Variants in ARHGAP24 observed in about 807,000 individuals in gnomAD.
The protein encoded by ARHGAP24 is Rho GTPase activating protein 24, also known as rho GTPase-activating protein 24.
In ARHGAP24, 50 loss-of-function variants were observed where a neutral mutation model predicts 76.4. The ratio of observed to expected loss-of-function variants is 0.65; its 90% CI spans 0.52 to 0.83. ARHGAP24 has a LOEUF of 0.83. Among genes scored for constraint, ARHGAP24 ranks in the 40% least tolerant of loss-of-function variants. ARHGAP24 has a pLI of 0.00. For synonymous variants in ARHGAP24, 345 were observed against 323.3 expected, an observed-to-expected ratio of 1.07 and a Z score of -0.72; for missense variants, 930 against 914.2, an observed-to-expected ratio of 1.02 and a Z score of -0.22.
chr4:85,509,914 C>G (rs1724208725), intron 1 of ARHGAP24, among the ~76,000 whole-genome samples: 1 of 152,082 alleles, frequency 6.6e-6, no homozygotes, highest in Admixed American at 6.6e-5. Context: ...CTAGGAAGTC[C>G]TGGTCCTAAT....
rs1727031782 is a variant in ARHGAP24, at chr4:85,769,044, T to G, written c.268+47072T>G. On this transcript the variant is annotated intron_variant, in intron 3 of 9. Coordinates refer to ENST00000395184, the MANE Select transcript of ARHGAP24 (RefSeq NM_001025616.3). ...ATCTTTTTATTGCTTAATGGTCAAA[T>G]AGTGATGATGAAAAATATAGTATTC... Among the ~76,000 whole-genome samples, 4 of 152,194 alleles carry G rather than the reference T, an allele frequency of 2.6e-5. 1 individual carries two copies. Among genetic ancestry groups the G allele is most frequent in the Admixed American group, 2.6e-4 (4 of 15,288 alleles).
At chr4:85,499,180 T>C (rs751921492) in intron 1 of ARHGAP24, among the ~76,000 whole-genome samples, 3 of 152,178 alleles carry the variant, frequency 2.0e-5, no homozygotes, top group Non-Finnish European at 4.4e-5. Flanking sequence ...TATACCAACA[T>C]TTGAAAGAAT....
intron 8 of ARHGAP24, among the ~76,000 whole-genome samples, chr4:85,981,844 G>T (rs1003270809): frequency 1.3e-5 from 2 of 152,046 alleles, no homozygotes. Flanking sequence ...TGGACTAGGT[G>T]CAATCCCTCC....
At chr4:85,705,565 G>T (rs1013651551) in intron 2 of ARHGAP24, among the ~76,000 whole-genome samples, 21 of 152,272 alleles carry the variant, frequency 1.4e-4, no homozygotes, top group African/African-American at 4.6e-4. Flanking sequence ...TTATAGTCCA[G>T]CATTTTTAGA....
chr4:85,626,840 T>C (rs1056595190), intron 2 of ARHGAP24, among the ~76,000 whole-genome samples: 3 of 152,218 alleles, frequency 2.0e-5, no homozygotes, highest in African/African-American at 7.2e-5. Flanking sequence ...CTTCCATCAC[T>C]GATACTCTTT....
chr4:85,570,815 G>T (rs113510981), intron 2 of ARHGAP24, 94 bp downstream of exon 2: 3 of 1,357,486 alleles, frequency 2.2e-6, no homozygotes, highest in East Asian at 4.8e-5. Flanking sequence ...ACCACCCAAA[G>T]CTCCCTGGTC....
intron 1 of ARHGAP24, among the ~76,000 whole-genome samples, chr4:85,536,561 A>G (rs530246242): frequency 6.6e-6 from 1 of 152,312 alleles, no homozygotes; most frequent in South Asian, 2.1e-4. Context: ...TAATTTTAAT[A>G]AATGGCTGTT....
At chr4:85,518,171 A>G (rs888122518) in intron 1 of ARHGAP24, among the ~76,000 whole-genome samples, 1 of 152,140 alleles carries the variant, frequency 6.6e-6, no homozygotes, top group Non-Finnish European at 1.5e-5. Flanking sequence ...AGGAAGAAGC[A>G]AAATAATATG....
At chr4:85,944,878 A>G (rs1015076839) in intron 5 of ARHGAP24, among the ~76,000 whole-genome samples, 1 of 151,932 alleles carries the variant, frequency 6.6e-6, no homozygotes, top group Non-Finnish European at 1.5e-5. Context: ...ATGGAGTTTC[A>G]TTCTTGTTGC....
In ARHGAP24 at chr4:85,704,144, T is replaced by G. The variant is rs181958294; in HGVS notation, c.181-17741T>G. Among the ~76,000 whole-genome samples the G allele has an allele frequency of 9.8e-5, 15 of 152,366 alleles. No individual in the cohort carries two copies. In the East Asian group the frequency reaches 2.9e-3, roughly 29 times the overall value. On this transcript the variant is annotated intron_variant, in intron 2 of 9. Transcript: ENST00000395184. Reference sequence around the variant, plus strand: ...CACTGCAGAGTAGTATTCAATTCAATTGTATGCATATATACAGTTTTTTTT... The same window carrying G: ...CACTGCAGAGTAGTATTCAATTCAAGTGTATGCATATATACAGTTTTTTTT...
intron 2 of ARHGAP24, among the ~76,000 whole-genome samples, chr4:85,662,579 T>C (rs1722440702): frequency 6.6e-6 from 1 of 151,906 alleles, no homozygotes; most frequent in African/African-American, 2.4e-5. Context: ...GTTTTAGACA[T>C]GAAGTCCTTG....
chr4:85,992,730 A>G (rs558830369), intron 8 of ARHGAP24, among the ~76,000 whole-genome samples: 4 of 152,310 alleles, frequency 2.6e-5, no homozygotes, highest in South Asian at 2.1e-4. Flanking sequence ...CACTGCTAAC[A>G]TGCATGGAAA....
At chr4:85,911,342 T>C (rs1735068707) in intron 3 of ARHGAP24, among the ~76,000 whole-genome samples, 1 of 151,788 alleles carries the variant, frequency 6.6e-6, no homozygotes, top group East Asian at 1.9e-4. Context: ...ATGATGGCAG[T>C]GGCAGGCTGT....
intron 2 of ARHGAP24, among the ~76,000 whole-genome samples, chr4:85,713,628 T>A (rs1274172276): frequency 5.9e-5 from 9 of 151,912 alleles, no homozygotes; most frequent in Non-Finnish European, 8.8e-5. Context: ...CAATTGTGTC[T>A]CTGACTATCA....
chr4:85,927,043 T>C (rs1484484469), intron 4 of ARHGAP24, among the ~76,000 whole-genome samples: 1 of 152,144 alleles, frequency 6.6e-6, no homozygotes, highest in East Asian at 1.9e-4. Flanking sequence ...AGTACTAGAA[T>C]TGATACCATC....
chr4:85,755,291 G>A (rs373827517), intron 3 of ARHGAP24, among the ~76,000 whole-genome samples: 2 of 152,152 alleles, frequency 1.3e-5, no homozygotes, highest in African/African-American at 2.4e-5. Context: ...ACATCCTGTA[G>A]GTGAAGGTCT....
At chr4:85,521,603 C>T (rs1325948192) in intron 1 of ARHGAP24, among the ~76,000 whole-genome samples, 3 of 152,076 alleles carry the variant, frequency 2.0e-5, no homozygotes, top group African/African-American at 7.2e-5. Context: ...CCCCAGCCTG[C>T]GTGCTGTGAC....
chr4:85,664,583 T>A (rs1317598979), intron 2 of ARHGAP24, among the ~76,000 whole-genome samples: 1 of 150,854 alleles, frequency 6.6e-6, no homozygotes, highest in Non-Finnish European at 1.5e-5. Context: ...CTTGCTTTTC[T>A]AGTTCTTTTA....
At chr4:85,923,860 T>C in intron 4 of ARHGAP24, 90 bp downstream of exon 4, 1 of 1,566,622 alleles carries the variant, frequency 6.4e-7, no homozygotes, top group East Asian at 2.3e-5. Flanking sequence ...TTAGCTCCTG[T>C]ATTCAAGTGG....
Sources: allele counts gnomAD v4.1 joint callset (sites outside exome capture counted in the v4.1 genomes callset), GRCh38; gene constraint gnomAD v4.1.1; transcripts MANE v1.5; gene names NCBI Gene and HGNC (gene_info 2026-07-23, HGNC 2026-07-21).